The following RANBP10 variants were observed in gnomAD, a reference collection of about 807,000 sequenced individuals.
RANBP10 encodes RAN binding protein 10.
A neutral mutation model predicts 72.8 loss-of-function variants in RANBP10; 24 were observed. The ratio of observed to expected loss-of-function variants is 0.33; its 90% CI spans 0.24 to 0.46. The LOEUF (loss-of-function observed/expected upper bound fraction) is 0.46, where lower values mean the gene tolerates loss of function less well. RANBP10 is among the 20% of genes least tolerant of loss of function. The probability of loss-of-function intolerance (pLI) is 1.00; values close to 1 mark genes in which losing one functional copy is unlikely to be tolerated. For synonymous variants in RANBP10, 310 were observed against 322.3 expected, an observed-to-expected ratio of 0.96 and a Z score of 0.41; for missense variants, 679 against 817.5, an observed-to-expected ratio of 0.83 and a Z score of 2.07.
At chr16:67,792,839 T>C (rs1177017766) in intron 2 of RANBP10, among the ~76,000 whole-genome samples, 1 of 151,178 alleles carries the variant, frequency 6.6e-6, no homozygotes, top group Non-Finnish European at 1.5e-5. Context: ...AGGGTGCTCG[T>C]ATGGAGAAAT....
At chr16:67,764,434 T>C (rs754201954) in intron 3 of RANBP10, among the ~76,000 whole-genome samples, 1 of 152,074 alleles carries the variant, frequency 6.6e-6, no homozygotes, top group Non-Finnish European at 1.5e-5. Flanking sequence ...AAATGGCCAT[T>C]GTACCGAGAA....
At position 67,788,028 on chromosome 16, in the gene RANBP10, T is replaced by G. The variant is rs180750960; in HGVS notation, c.348-15942A>C. On this transcript the variant is annotated intron_variant, in intron 2 of 13. Coordinates refer to ENST00000317506, the MANE Select transcript of RANBP10 (RefSeq NM_020850.3). Reference sequence around the variant, plus strand: ...TAATTTTTTTATTTTTAGTAGAGACTGGGTTTCACCATGTTGTCCAGGATG... The same window carrying G: ...TAATTTTTTTATTTTTAGTAGAGACGGGGTTTCACCATGTTGTCCAGGATG... Among the ~76,000 whole-genome samples the G allele has an allele frequency of 3.6e-3, 547 of 152,216 alleles. 13 individuals are homozygous for G. In the East Asian group the frequency reaches 0.076, roughly 21 times the overall value.
intron 2 of RANBP10, among the ~76,000 whole-genome samples, chr16:67,779,036 G>A (rs1295881705): frequency 6.6e-6 from 1 of 152,024 alleles, no homozygotes; most frequent in Non-Finnish European, 1.5e-5. Flanking sequence ...TGAGGCTGCA[G>A]TGCCTCCCGC....
intron 2 of RANBP10, among the ~76,000 whole-genome samples, chr16:67,795,423 C>T (rs1253804785): frequency 5.3e-5 from 8 of 151,878 alleles, no homozygotes; most frequent in Admixed American, 5.3e-4. Context: ...CCTGTAATCC[C>T]AGCTACTCAG....
chr16:67,779,691 T>C (rs188372207), intron 2 of RANBP10, among the ~76,000 whole-genome samples: 56 of 152,268 alleles, frequency 3.7e-4, no homozygotes, highest in Non-Finnish European at 5.1e-4. Flanking sequence ...TAAATTTCTT[T>C]TCATAGAGGT....
At chr16:67,763,739 G>T (rs1014831221) in intron 3 of RANBP10, among the ~76,000 whole-genome samples, 1 of 152,188 alleles carries the variant, frequency 6.6e-6, no homozygotes, top group Admixed American at 6.5e-5. Context: ...CTGTTGCCCA[G>T]GCTGGAGTGC....
At chr16:67,736,171 T>G (rs1312234247) in intron 5 of RANBP10, among the ~76,000 whole-genome samples, 1 of 152,142 alleles carries the variant, frequency 6.6e-6, no homozygotes, top group Admixed American at 6.5e-5. Flanking sequence ...ATGCACTTTT[T>G]TTTTTTTGAG....
At chr16:67,794,190 C>T (rs2055083034) in intron 2 of RANBP10, among the ~76,000 whole-genome samples, 2 of 152,126 alleles carry the variant, frequency 1.3e-5, no homozygotes, top group South Asian at 2.1e-4. Context: ...GTAATCCCAG[C>T]ACTTTGAGGG....
At chr16:67,785,805 T>A (rs1259729992) in intron 2 of RANBP10, among the ~76,000 whole-genome samples, 23 of 146,246 alleles carry the variant, frequency 1.6e-4, no homozygotes, top group African/African-American at 5.4e-4. Context: ...AGGTGGTGGA[T>A]CACAAGGTCA....
chr16:67,794,535 T>C (rs894242418), intron 2 of RANBP10, among the ~76,000 whole-genome samples: 1 of 148,466 alleles, frequency 6.7e-6, no homozygotes, highest in Non-Finnish European at 1.5e-5. Context: ...TTTTTTTTTT[T>C]TTTTTGAGAT....
intron 3 of RANBP10, among the ~76,000 whole-genome samples, chr16:67,761,199 CAGAA>C (rs2054389528): frequency 6.6e-6 from 1 of 152,254 alleles, no homozygotes; most frequent in South Asian, 2.1e-4. Context: ...CATCTTCCAG[CAGAA>C]ACCTCTGACC....
intron 3 of RANBP10, among the ~76,000 whole-genome samples, chr16:67,766,421 T>C (rs890674576): frequency 6.6e-6 from 1 of 152,192 alleles, no homozygotes; most frequent in East Asian, 1.9e-4. Flanking sequence ...TGATTCTCAA[T>C]GATGGAATGG....
intron 3 of RANBP10, among the ~76,000 whole-genome samples, chr16:67,757,065 G>A (rs745522466): frequency 3.3e-5 from 5 of 151,248 alleles, no homozygotes; most frequent in South Asian, 2.1e-4. Context: ...AAAATTGGCC[G>A]GGCGTGGTGG....
chr16:67,728,271 G>T, intron 11 of RANBP10, 119 bp downstream of exon 11: 2 of 1,103,526 alleles, frequency 1.8e-6, no homozygotes, highest in Non-Finnish European at 2.6e-6. Context: ...CTGTGGACCA[G>T]GTCTGGCTGA....
chr16:67,799,843 A>G (rs2055203604), intron 2 of RANBP10, among the ~76,000 whole-genome samples: 1 of 151,954 alleles, frequency 6.6e-6, no homozygotes, highest in South Asian at 2.1e-4. Context: ...GGACAAAACA[A>G]TGGATGTGAT....
In RANBP10 at chr16:67,769,607, G is replaced by A. The variant is rs927444897; in HGVS notation, c.400+2427C>T. Reference sequence around the variant, plus strand: ...AAAAATACAAAAAAATGAGCCGGGCGTGGTGGCAGGCACCTGTAATCCCAG... The same window carrying A: ...AAAAATACAAAAAAATGAGCCGGGCATGGTGGCAGGCACCTGTAATCCCAG... On this transcript the variant is annotated intron_variant, in intron 3 of 13. Coordinates refer to ENST00000317506, the MANE Select transcript of RANBP10 (RefSeq NM_020850.3). 3.3e-5 allele frequency among the ~76,000 whole-genome samples: 5 copies of A among 151,206 alleles called. No homozygotes were observed. The East Asian group carries it at 7.7e-4, about 23-fold the overall frequency.
At chr16:67,769,462 A>AAAAAAAAAAAAAAG (rs1567699175) in intron 3 of RANBP10, among the ~76,000 whole-genome samples, 4 of 136,796 alleles carry the variant, frequency 2.9e-5, no homozygotes, top group Non-Finnish European at 6.3e-5. Context: ...AAAAAAAAAA[A>AAAAAAAAAAAAAAG]GTGCTGGGCG....
intron 3 of RANBP10, among the ~76,000 whole-genome samples, chr16:67,748,073 C>T (rs2054122083): frequency 6.6e-6 from 1 of 151,648 alleles, no homozygotes; most frequent in Non-Finnish European, 1.5e-5. Context: ...GATCCACCCA[C>T]CTCAGCCTCC....
intron 3 of RANBP10, among the ~76,000 whole-genome samples, chr16:67,755,354 G>A (rs1348293480): frequency 3.3e-5 from 5 of 152,198 alleles, no homozygotes; most frequent in Admixed American, 2.0e-4. Flanking sequence ...GGCCAGAGAT[G>A]GCTGTCTCAG....
Sources: allele counts gnomAD v4.1 joint callset (sites outside exome capture counted in the v4.1 genomes callset), GRCh38; gene constraint gnomAD v4.1.1; transcripts MANE v1.5; gene names NCBI Gene and HGNC (gene_info 2026-07-23, HGNC 2026-07-21).